The following ABCG1 variants were observed in gnomAD, a reference collection of about 807,000 sequenced individuals.
The protein encoded by ABCG1 is ATP binding cassette subfamily G member 1.
In ABCG1, 29 loss-of-function variants were observed where a neutral mutation model predicts 69.2. The observed-to-expected ratio is 0.42, with a 90% confidence interval of 0.31 to 0.57. ABCG1 has a LOEUF of 0.57. Ranked by LOEUF, ABCG1 falls within the 20% of genes least tolerant of loss-of-function variation. The probability of loss-of-function intolerance (pLI) is 0.15; values close to 1 mark genes in which losing one functional copy is unlikely to be tolerated. For missense variants in ABCG1, 718 were observed against 898.1 expected (o/e 0.80, Z 2.56); for synonymous variants, 370 against 374.8 (o/e 0.99, Z 0.15).
intron 2 of ABCG1, among the ~76,000 whole-genome samples, chr21:42,246,993 A>C (rs1201773959): frequency 3.9e-5 from 6 of 152,194 alleles, no homozygotes; most frequent in Admixed American, 3.9e-4. Context: ...ACTATTCTAA[A>C]GAAACTTTGT....
chr21:42,271,118 A>C lies in ABCG1; in HGVS notation c.335A>C (p.Glu112Ala), dbSNP rs2068608694. 6.3e-7 allele frequency: 1 copy of C among 1,582,644 alleles called. No homozygotes were observed. Among genetic ancestry groups the C allele is most frequent in the Non-Finnish European group, 8.6e-7 (1 of 1,167,124 alleles). The change falls in exon 3 of 15, where the codon GAG becomes GCG. Residue 112 changes from glutamate to alanine, a missense_variant. Transcript: ENST00000398449. ...KGISGKFNSG[E>A]LVAIMGPSGA... ...ATTTCCGGGAAGTTCAATAGTGGTG[A>C]GTTGGTGGCCATTATGGGTCCTTCC...
chr21:42,233,393 G>A (rs2067929550), intron 2 of ABCG1, among the ~76,000 whole-genome samples: 1 of 152,104 alleles, frequency 6.6e-6, no homozygotes. Context: ...TTTCTGACAA[G>A]GGACAGCCAG....
Position 42,231,412 on chromosome 21 carries a change from C to G in ABCG1, c.286+5498C>G, listed in dbSNP as rs141820807. 4.4e-3 allele frequency among the ~76,000 whole-genome samples: 667 copies of G among 152,304 alleles called. 6 individuals carry two copies. Among genetic ancestry groups the G allele is most frequent in the African/African-American group, 0.015 (644 of 41,560 alleles). ...CCCAACCCTCCAGGCTCATCCTTGCCAAAAACCAGGAAGGGGTTAAATATT... is the reference window on the plus strand; with the variant it reads ...CCCAACCCTCCAGGCTCATCCTTGCGAAAAACCAGGAAGGGGTTAAATATT... On this transcript the variant is annotated intron_variant, in intron 2 of 14. Coordinates refer to ENST00000398449, the MANE Select transcript of ABCG1 (RefSeq NM_016818.3).
At chr21:42,270,813 A>G (rs1467523518) in intron 2 of ABCG1, among the ~76,000 whole-genome samples, 1 of 152,190 alleles carries the variant, frequency 6.6e-6, no homozygotes, top group Non-Finnish European at 1.5e-5. Context: ...ATGAGTGGGA[A>G]AGTGCTTTGT....
At chr21:42,235,671 T>A (rs952497115) in intron 2 of ABCG1, among the ~76,000 whole-genome samples, 1 of 152,224 alleles carries the variant, frequency 6.6e-6, no homozygotes, top group African/African-American at 2.4e-5. Flanking sequence ...AAGGGATGTC[T>A]GGGTTACGAT....
chr21:42,256,370 G>C (rs768293408), intron 2 of ABCG1: 1 of 1,550,408 alleles, frequency 6.4e-7, no homozygotes, highest in Non-Finnish European at 8.7e-7. Context: ...AGGTTGGTCT[G>C]TCTGTACCGC....
At chr21:42,208,472 A>G (rs1344945594) in intron 2 of ABCG1, among the ~76,000 whole-genome samples, 1 of 152,204 alleles carries the variant, frequency 6.6e-6, no homozygotes, top group African/African-American at 2.4e-5. Flanking sequence ...AAATATGTCT[A>G]TTCCATCTTC....
rs1045246186 is a variant in ABCG1, at chr21:42,287,266, G to A, written c.974-623G>A. Among the ~76,000 whole-genome samples, 13 of 152,168 alleles carry A rather than the reference G, an allele frequency of 8.5e-5. No homozygotes were observed. The highest frequency in any genetic ancestry group is 3.1e-4 in the African/African-American group (13 of 41,430). ...TGCAGAGGAAGTCCAGGTGGAGGGA[G>A]ACCTTAGGGGAGCGAGTCTGCAGGT... is the stretch of plus-strand genomic sequence containing the variant. On this transcript the variant is annotated intron_variant, in intron 8 of 14. Transcript: ENST00000398449. The surrounding 1 kb of genome is among the most constrained non-coding windows in gnomAD (Gnocchi z 6.2).
intron 2 of ABCG1, among the ~76,000 whole-genome samples, chr21:42,263,041 G>A (rs1457260032): frequency 4.6e-5 from 7 of 152,204 alleles, no homozygotes; most frequent in Non-Finnish European, 7.3e-5. Context: ...CGTGTCCCCC[G>A]ACTCTTCCTA....
Position 42,266,601 on chromosome 21 carries a change from A to G in ABCG1, c.287-4469A>G, listed in dbSNP as rs116777927. 2.7e-3 allele frequency among the ~76,000 whole-genome samples: 408 copies of G among 152,250 alleles called. 2 individuals carry two copies. Among genetic ancestry groups the G allele is most frequent in the African/African-American group, 9.7e-3 (401 of 41,546 alleles). On this transcript the variant is annotated intron_variant, in intron 2 of 14. Coordinates refer to ENST00000398449, the MANE Select transcript of ABCG1 (RefSeq NM_016818.3). Reference sequence around the variant, plus strand: ...TCCAAGGGCAGTCCGTCACCACCCTATCTGGAGCACTCTTCTATCCTCCTC... The same window carrying G: ...TCCAAGGGCAGTCCGTCACCACCCTGTCTGGAGCACTCTTCTATCCTCCTC...
rs1310447985 is a variant in ABCG1 at position 42,209,059 on chromosome 21, G to A, written c.48+7336G>A. On this transcript the variant is annotated intron_variant, in intron 2 of 15. Transcript: ENST00000398457. ...GCTGTGGAGTCTGCAGGCACCAGGA[G>A]AGCTCAGAGGTCTCAGGGAGGCAAG... 2.0e-5 allele frequency among the ~76,000 whole-genome samples: 3 copies of A among 152,292 alleles called. No individual in the cohort carries two copies. The East Asian group carries it at 5.8e-4, about 29-fold the overall frequency.
chr21:42,246,479 C>T (rs1350949345), intron 2 of ABCG1, among the ~76,000 whole-genome samples: 1 of 152,162 alleles, frequency 6.6e-6, no homozygotes, highest in Admixed American at 6.5e-5. Flanking sequence ...ATTCTCAGTT[C>T]CAGCTTTTCC....
intron 5 of ABCG1, among the ~76,000 whole-genome samples, chr21:42,279,353 A>C (rs1347976380): frequency 6.6e-6 from 1 of 152,178 alleles, no homozygotes; most frequent in Non-Finnish European, 1.5e-5. Context: ...GGATCACCGG[A>C]GGCCGGGGGA....
At chr21:42,259,532 G>C in intron 2 of ABCG1, 3 of 1,533,938 alleles carry the variant, frequency 2.0e-6, no homozygotes, top group Non-Finnish European at 2.6e-6. Context: ...TGGCTGGCTG[G>C]AGTCATCATG....
At chr21:42,201,139 G>A (rs373272585) in intron 1 of ABCG1, among the ~76,000 whole-genome samples, 8 of 152,118 alleles carry the variant, frequency 5.3e-5, no homozygotes, top group Admixed American at 2.0e-4. Flanking sequence ...CACTGATAGG[G>A]TTTTGATACG....
At chr21:42,261,963 C>T (rs567817028) in intron 2 of ABCG1, among the ~76,000 whole-genome samples, 1 of 152,154 alleles carries the variant, frequency 6.6e-6, no homozygotes, top group Non-Finnish European at 1.5e-5. Flanking sequence ...GGAAACAAAA[C>T]CCAATGACCG....
chr21:42,214,829 G>T (rs188057127), upstream of ABCG1, among the ~76,000 whole-genome samples: 1,038 of 152,264 alleles, frequency 6.8e-3, 15 homozygotes, highest in African/African-American at 0.024. Context: ...TCCAGAATTT[G>T]GGGGAAAAAA....
intron 2 of ABCG1, among the ~76,000 whole-genome samples, chr21:42,254,281 C>T (rs1249571161): frequency 6.6e-6 from 1 of 152,200 alleles, no homozygotes; most frequent in Non-Finnish European, 1.5e-5. Flanking sequence ...CAGAGCACAG[C>T]ATCCGTTCGA....
intron 5 of ABCG1, among the ~76,000 whole-genome samples, chr21:42,280,539 T>G (rs1040940026): frequency 1.3e-5 from 2 of 152,178 alleles, no homozygotes; most frequent in Non-Finnish European, 2.9e-5. Context: ...TTAGGGAAAA[T>G]GTATAAATAA....
Sources: allele counts gnomAD v4.1 joint callset (sites outside exome capture counted in the v4.1 genomes callset), GRCh38; gene constraint gnomAD v4.1.1; non-coding constraint Gnocchi (gnomAD v3.1); transcripts MANE v1.5; gene names NCBI Gene and HGNC (gene_info 2026-07-23, HGNC 2026-07-21).